The following MACROD2 variants were observed in gnomAD, a reference collection of about 807,000 sequenced individuals.
MACROD2 encodes ADP-ribose glycohydrolase MACROD2.
Under a neutral mutation model 70.4 loss-of-function variants are expected in MACROD2, and 36 were observed. That is an observed-to-expected ratio of 0.51 (90% CI 0.39 to 0.68). The LOEUF (loss-of-function observed/expected upper bound fraction) is 0.68. Ranked by LOEUF, MACROD2 falls within the 30% of genes least tolerant of loss-of-function variation. MACROD2 has a pLI of 0.00. For missense variants in MACROD2, 496 were observed against 538.4 expected, an observed-to-expected ratio of 0.92 and a Z score of 0.78; for synonymous variants, 172 against 178.8, an observed-to-expected ratio of 0.96 and a Z score of 0.30.
chr20:15,579,506 A>T (rs768002161), intron 8 of MACROD2, among the ~76,000 whole-genome samples: 1 of 152,204 alleles, frequency 6.6e-6, no homozygotes, highest in African/African-American at 2.4e-5. Flanking sequence ...AGCATTTCAT[A>T]TGGTGAAGCT....
chr20:14,791,060 A>G (rs1489834611), intron 5 of MACROD2, among the ~76,000 whole-genome samples: 3 of 152,140 alleles, frequency 2.0e-5, no homozygotes, highest in Non-Finnish European at 4.4e-5. Context: ...GCTCTAGACT[A>G]TTCTTTCCCT....
chr20:15,789,074 A>G (rs1217634162), intron 8 of MACROD2, among the ~76,000 whole-genome samples: 4 of 152,220 alleles, frequency 2.6e-5, no homozygotes, highest in Non-Finnish European at 5.9e-5. Context: ...AATGAAAAAG[A>G]TCAGCTCAGG....
At chr20:14,739,482 G>A (rs1392025129) in intron 5 of MACROD2, among the ~76,000 whole-genome samples, 1 of 151,748 alleles carries the variant, frequency 6.6e-6, no homozygotes, top group African/African-American at 2.4e-5. Flanking sequence ...ATAAGACCAT[G>A]GACGGGAGCA....
intron 5 of MACROD2, among the ~76,000 whole-genome samples, chr20:15,132,842 TTAAAA>T (rs2123281282): frequency 6.6e-6 from 1 of 152,150 alleles, no homozygotes; most frequent in South Asian, 2.1e-4. Flanking sequence ...GTTGCAATAA[TTAAAA>T]TAAATTGGTA....
intron 3 of MACROD2, among the ~76,000 whole-genome samples, chr20:14,284,709 G>A (rs1390579087): frequency 1.3e-5 from 2 of 152,156 alleles, no homozygotes; most frequent in African/African-American, 2.4e-5. Flanking sequence ...CTAAAGGCCT[G>A]TAGCAATCTC....
At position 14,867,213 on chromosome 20, in the gene MACROD2, A is replaced by G. The variant is rs145344431; in HGVS notation, c.418+182254A>G. On this transcript the variant is annotated intron_variant, in intron 5 of 17. Coordinates refer to ENST00000684519, the MANE Select transcript of MACROD2 (RefSeq NM_001351661.2). ...TTTTGATAGCTGCTTTGTAAATAGT[A>G]GGAATAAGTATGTGGCATTATTTTC... Among the ~76,000 whole-genome samples the G allele has an allele frequency of 1.2e-3, 189 of 152,284 alleles. 2 individuals are homozygous for G. The highest frequency in any genetic ancestry group is 3.9e-3 in the African/African-American group (162 of 41,570).
intron 5 of MACROD2, among the ~76,000 whole-genome samples, chr20:15,090,269 T>G (rs2075783271): frequency 6.6e-6 from 1 of 151,932 alleles, no homozygotes; most frequent in Non-Finnish European, 1.5e-5. Context: ...AGGTTTAGGG[T>G]TAAGAATGCT....
At chr20:14,068,125 CTT>C (rs1415364341) in intron 2 of MACROD2, among the ~76,000 whole-genome samples, 18 of 152,204 alleles carry the variant, frequency 1.2e-4, no homozygotes, top group Non-Finnish European at 2.2e-4. Flanking sequence ...TGATTTTTCT[CTT>C]GAGTGCTCGC....
Position 14,967,215 on chromosome 20 carries a change from C to T in MACROD2, c.419-262725C>T, listed in dbSNP as rs374213042. Among the ~76,000 whole-genome samples, 70 of 152,162 alleles carry T rather than the reference C, an allele frequency of 4.6e-4. No individual in the cohort carries two copies. In the South Asian group the frequency reaches 0.013, roughly 29 times the overall value. The stretch of plus-strand genomic sequence containing the variant: ...TTTTGTTTGTTTGTTTGTTTTGAGA[C>T]GGAGTCTCTCTCTGACACCCAGGCT... On this transcript the variant is annotated intron_variant, in intron 5 of 17. Transcript: ENST00000684519.
At chr20:15,537,238 A>G (rs2047888651) in intron 8 of MACROD2, among the ~76,000 whole-genome samples, 1 of 152,110 alleles carries the variant, frequency 6.6e-6, no homozygotes, top group Admixed American at 6.6e-5. Flanking sequence ...GCCACCAAGT[A>G]ATATGTGCCT....
intron 7 of MACROD2, among the ~76,000 whole-genome samples, chr20:15,454,438 CA>C (rs1568820005): frequency 9.4e-6 from 1 of 106,378 alleles, no homozygotes; most frequent in African/African-American, 2.8e-5. Context: ...CACACACACA[CA>C]CACACACACA....
rs11474711 is a variant in MACROD2 at position 14,786,204 on chromosome 20, TAGAGAG to T, written c.418+101273_418+101278del. Among the ~76,000 whole-genome samples, 130 of 135,534 alleles carry T rather than the reference TAGAGAG, an allele frequency of 9.6e-4. 1 individual carries two copies. Among genetic ancestry groups the T allele is most frequent in the Admixed American group, 2.0e-3 (27 of 13,436 alleles). 88.9% of individuals were successfully genotyped at this position (135,534 alleles called of 152,430 possible). A position where few individuals can be genotyped will look rare whatever the true frequency, so the allele number is the denominator to read the frequency against. ...AGTGTTTGGTTCACTCAGAGAAAGA[TAGAGAG>T]AGAGAGAGAGAGAGAGAGAGAGAGA... On this transcript the variant is annotated intron_variant, in intron 5 of 17. Transcript: ENST00000684519.
At chr20:15,148,515 G>C (rs1457483342) in intron 5 of MACROD2, among the ~76,000 whole-genome samples, 1 of 152,008 alleles carries the variant, frequency 6.6e-6, no homozygotes, top group Non-Finnish European at 1.5e-5. Flanking sequence ...TGATGGCTTG[G>C]AAAAACAGTG....
intron 6 of MACROD2, among the ~76,000 whole-genome samples, chr20:15,267,560 G>T (rs548328974): frequency 6.6e-6 from 1 of 152,268 alleles, no homozygotes; most frequent in East Asian, 1.9e-4. Flanking sequence ...ACATGGGATG[G>T]CGTCAGACAT....
chr20:15,260,923 T>C (rs1394356606), intron 6 of MACROD2, among the ~76,000 whole-genome samples: 3 of 152,064 alleles, frequency 2.0e-5, no homozygotes, highest in Admixed American at 2.0e-4. Flanking sequence ...TAAAATCTCT[T>C]TACTAATTGG....
chr20:14,279,661 A>G (rs2082289433), intron 3 of MACROD2, among the ~76,000 whole-genome samples: 1 of 152,164 alleles, frequency 6.6e-6, no homozygotes, highest in Admixed American at 6.6e-5. Flanking sequence ...TTGAATGACA[A>G]AGTATTTGAC....
In MACROD2 at chr20:14,480,555, A is replaced by G. The variant is rs377326507; in HGVS notation, c.272-12924A>G. Among the ~76,000 whole-genome samples the G allele has an allele frequency of 5.3e-5, 8 of 152,262 alleles. No homozygotes were observed. In the East Asian group the frequency reaches 1.5e-3, roughly 29 times the overall value. ...CTGAGAGATTTGTTAAATAATAATA[A>G]TTTTTAAAAGCCTCTGTAGTCAGTA... On this transcript the variant is annotated intron_variant, in intron 3 of 17. Transcript: ENST00000684519.
Position 13,995,863 on chromosome 20 carries a change from C to CGGGGGGGGGGGGGGGGTGGGGGGGGGGGG in MACROD2, c.46+59_46+60insGGGGGGGGGGGTGGGGGGGGGGGGGGGGG. On this transcript the variant is annotated intron_variant, in intron 1 of 17. Transcript: ENST00000684519. This position sits in a 1 kb window ranked among gnomAD's most constrained non-coding sequence, Gnocchi z 4.3. The stretch of plus-strand genomic sequence containing the variant: ...CGGGCGGTGGGGGTTAGGGTGGGGG[C>CGGGGGGGGGGGGGGGGTGGGGGGGGGGGG]GGGGGTCAGGCTGTGTGTGCCGCGG... 2.4e-6 allele frequency: 1 copy of CGGGGGGGGGGGGGGGGTGGGGGGGGGGGG among 412,922 alleles called. No homozygotes were observed. The highest frequency in any genetic ancestry group is 4.6e-6 in the Non-Finnish European group (1 of 215,400). The allele number at this position is 412,922 out of a possible 1,614,324, so 25.6% of individuals were successfully genotyped here. A position where few individuals can be genotyped will look rare whatever the true frequency, so the allele number is the denominator to read the frequency against.
At chr20:14,372,392 A>C (rs1239962423) in intron 3 of MACROD2, among the ~76,000 whole-genome samples, 2 of 152,164 alleles carry the variant, frequency 1.3e-5, no homozygotes, top group East Asian at 3.9e-4. Flanking sequence ...AGACCAGTAA[A>C]TGAAATAATG....
Sources: gnomAD v4.1 joint callset for allele counts (sites outside exome capture counted in the v4.1 genomes callset) on GRCh38, gnomAD v4.1.1 for gene constraint, Gnocchi (gnomAD v3.1) non-coding constraint, MANE v1.5 for transcripts, NCBI Gene and HGNC (gene_info 2026-07-23, HGNC 2026-07-21) for gene names.